The following ANO4 variants were observed in gnomAD, a reference collection of about 807,000 sequenced individuals.
ANO4 encodes the protein anoctamin-4.
A neutral mutation model predicts 141.9 loss-of-function variants in ANO4; 69 were observed. The ratio of observed to expected loss-of-function variants is 0.49; its 90% CI spans 0.40 to 0.59. The LOEUF is 0.59. Ranked by LOEUF, ANO4 falls within the 20% of genes least tolerant of loss-of-function variation. The pLI, the probability that ANO4 is intolerant of heterozygous loss-of-function variation, is 0.00. For synonymous variants in ANO4, 350 were observed against 394.3 expected, an observed-to-expected ratio of 0.89 and a Z score of 1.33; for missense variants, 894 against 1,162.2, an observed-to-expected ratio of 0.77 and a Z score of 3.36.
intron 1 of ANO4, among the ~76,000 whole-genome samples, chr12:100,856,141 T>C (rs1244380311): frequency 6.6e-6 from 1 of 152,018 alleles, no homozygotes; most frequent in Admixed American, 6.6e-5. Flanking sequence ...GCTGGAACAA[T>C]GGGTGAGAGA....
At chr12:101,038,130 ACT>A (rs1728627240) in intron 10 of ANO4, among the ~76,000 whole-genome samples, 1 of 152,234 alleles carries the variant, frequency 6.6e-6, no homozygotes, top group Admixed American at 6.5e-5. Flanking sequence ...GCCATCTGAA[ACT>A]CTGTTTAGAC....
intron 1 of ANO4, among the ~76,000 whole-genome samples, chr12:100,850,900 A>G (rs1421890347): frequency 6.6e-6 from 1 of 152,148 alleles, no homozygotes; most frequent in East Asian, 1.9e-4. Flanking sequence ...CAGGTTAAAA[A>G]TTATTTTAAA....
chr12:101,126,805 T>G (rs2051334131), intron 26 of ANO4, 74 bp from the exon 27 acceptor site: 1 of 1,406,530 alleles, frequency 7.1e-7, no homozygotes, highest in African/African-American at 1.4e-5. Flanking sequence ...GTCCACATCC[T>G]TCTTCAGCCA....
chr12:100,968,237 T>C (rs972186691), intron 5 of ANO4, among the ~76,000 whole-genome samples: 3 of 150,792 alleles, frequency 2.0e-5, no homozygotes, highest in Admixed American at 6.6e-5. Flanking sequence ...GTTCAGATAA[T>C]GAACTTAGCT....
chr12:101,075,717 ATATATATATCTT>A (rs2048997205), intron 14 of ANO4, among the ~76,000 whole-genome samples: 1 of 8,616 alleles, frequency 1.2e-4, no homozygotes, highest in Non-Finnish European at 1.6e-4. Context: ...TATAAAACAA[ATATATATATCTT>A]TATATATATA....
At chr12:101,015,560 A>G (rs1053738079) in intron 8 of ANO4, among the ~76,000 whole-genome samples, 1 of 152,250 alleles carries the variant, frequency 6.6e-6, no homozygotes, top group Non-Finnish European at 1.5e-5. Context: ...AACCCATGCC[A>G]TAATGAACAT....
rs747727677 is a variant in ANO4, at chr12:101,120,510, G to T, written c.2571-10G>T. 13 of 1,609,750 alleles carry T rather than the reference G, an allele frequency of 8.1e-6. No homozygotes were observed. The highest frequency in any genetic ancestry group is 1.1e-5 in the Non-Finnish European group (13 of 1,176,494). On this transcript the variant is annotated splice_polypyrimidine_tract_variant and intron_variant, in intron 25 of 27. Coordinates refer to ENST00000392977, the MANE Select transcript of ANO4 (RefSeq NM_001286615.2). Reference sequence around the variant, plus strand: ...TAGTTTGAATGCAACATTTTTCTGTGTCTTTATAGATACCGGGACTACCGT... The same window carrying T: ...TAGTTTGAATGCAACATTTTTCTGTTTCTTTATAGATACCGGGACTACCGT...
intron 1 of ANO4, among the ~76,000 whole-genome samples, chr12:100,723,813 T>C (rs992157255): frequency 2.6e-5 from 4 of 152,180 alleles, no homozygotes; most frequent in African/African-American, 9.7e-5. Context: ...CACTGGGGGT[T>C]AGTGAGGGCC....
intron 17 of ANO4, among the ~76,000 whole-genome samples, chr12:101,089,934 A>C (rs1473378847): frequency 6.6e-6 from 1 of 152,212 alleles, no homozygotes; most frequent in African/African-American, 2.4e-5. Flanking sequence ...AAAAGTGAGC[A>C]AAGGATATGA....
At chr12:100,766,413 C>T (rs1224602335) in intron 3 of ANO4, among the ~76,000 whole-genome samples, 1 of 152,100 alleles carries the variant, frequency 6.6e-6, no homozygotes, top group African/African-American at 2.4e-5. Flanking sequence ...TCCTTTGCTG[C>T]ATCCTGTGAG....
intron 9 of ANO4, among the ~76,000 whole-genome samples, chr12:101,027,257 C>T (rs553708923): frequency 6.6e-6 from 1 of 152,330 alleles, no homozygotes; most frequent in South Asian, 2.1e-4. Flanking sequence ...CAGGAACCCA[C>T]GCCACTGGGA....
intron 1 of ANO4, among the ~76,000 whole-genome samples, chr12:100,836,339 TTATA>T (rs981615927): frequency 7.2e-5 from 11 of 152,028 alleles, no homozygotes; most frequent in Admixed American, 6.5e-4. Context: ...TGAAGTCTTT[TTATA>T]TATATATTTT....
chr12:100,806,523 C>CTTTTTTTTTTTTT lies in ANO4; in HGVS notation c.-141+11496_-141+11497insTTTTTTTTTTTTT, dbSNP rs1593379234. 5.9e-3 allele frequency among the ~76,000 whole-genome samples: 267 copies of CTTTTTTTTTTTTT among 44,974 alleles called. 84 individuals are homozygous for CTTTTTTTTTTTTT. The highest frequency in any genetic ancestry group is 7.2e-3 in the Non-Finnish European group (163 of 22,620). 29.5% of individuals were successfully genotyped at this position (44,974 alleles called of 152,430 possible). A position where few individuals can be genotyped will look rare whatever the true frequency, so the allele number is the denominator to read the frequency against. The stretch of plus-strand genomic sequence containing the variant: ...TTTTTAGGAGGTTTTTTTTTTGTTT[C>CTTTTTTTTTTTTT]GTTTTTTTTTTTTTTTTTTTTTTTT... On this transcript the variant is annotated intron_variant, in intron 1 of 27. Coordinates refer to ENST00000392977, the MANE Select transcript of ANO4 (RefSeq NM_001286615.2).
chr12:100,879,392 C>G (rs186373898), intron 1 of ANO4, among the ~76,000 whole-genome samples: 2 of 152,156 alleles, frequency 1.3e-5, no homozygotes, highest in East Asian at 3.9e-4. Flanking sequence ...ACTATTGGCT[C>G]CAGTTTCATT....
At chr12:101,080,717 C>A (rs940460660) in intron 15 of ANO4, among the ~76,000 whole-genome samples, 2 of 151,628 alleles carry the variant, frequency 1.3e-5, no homozygotes, top group African/African-American at 4.8e-5. Flanking sequence ...ATCCCAGCTA[C>A]TTGGGAGGCT....
intron 1 of ANO4, among the ~76,000 whole-genome samples, chr12:100,848,356 T>A (rs1356219379): frequency 6.6e-6 from 1 of 152,148 alleles, no homozygotes; most frequent in Non-Finnish European, 1.5e-5. Flanking sequence ...CCTTGAGGTG[T>A]ATATATCAGA....
chr12:100,783,428 G>A (rs1395405430), intron 3 of ANO4, among the ~76,000 whole-genome samples: 7 of 151,904 alleles, frequency 4.6e-5, no homozygotes, highest in Admixed American at 2.0e-4. Context: ...CTGGACATTC[G>A]TAAGACCTTC....
intron 26 of ANO4, among the ~76,000 whole-genome samples, chr12:101,124,762 T>G (rs1045007885): frequency 3.9e-5 from 6 of 152,188 alleles, no homozygotes; most frequent in Non-Finnish European, 8.8e-5. Flanking sequence ...GTCAGGTTTT[T>G]CAAAGATCAG....
Position 101,020,013 on chromosome 12 carries a change from AT to A in ANO4, c.735-16del. 1 of 1,577,954 alleles carries A rather than the reference AT, an allele frequency of 6.3e-7. No homozygotes were observed. The highest frequency in any genetic ancestry group is 1.1e-5 in the South Asian group (1 of 89,430). ...CACCTCCGATTAATTCTCAACTTGTATTTTTAATATATGTATGCAGCTTCAT... is the reference window on the plus strand; with the variant it reads ...CACCTCCGATTAATTCTCAACTTGTATTTTAATATATGTATGCAGCTTCAT... On this transcript the variant is annotated intron_variant, in intron 8 of 27. Transcript: ENST00000392977.
Sources: allele counts gnomAD v4.1 joint callset (sites outside exome capture counted in the v4.1 genomes callset), GRCh38; gene constraint gnomAD v4.1.1; transcripts MANE v1.5; gene names NCBI Gene and HGNC (gene_info 2026-07-23, HGNC 2026-07-21).